Variants in GPR83 observed in about 807,000 individuals in gnomAD.
GPR83 encodes G protein-coupled receptor 83.
A neutral mutation model predicts 28.0 loss-of-function variants in GPR83; 23 were observed. The observed-to-expected ratio is 0.82, with a 90% CI of 0.59 to 1.16. GPR83 has a LOEUF of 1.16. GPR83 is among the 50% of genes most tolerant of loss of function. GPR83 has a pLI of 0.00. For synonymous variants in GPR83, 234 were observed against 215.4 expected (o/e 1.09, Z -0.76); for missense variants, 610 against 536.6 (o/e 1.14, Z -1.35).
Position 94,380,782 on chromosome 11 carries a change from A to C in GPR83, c.648-9T>G, listed in dbSNP as rs1438244511. 3.1e-6 allele frequency: 5 copies of C among 1,597,888 alleles called. No homozygotes were observed. Among genetic ancestry groups the C allele is most frequent in the Non-Finnish European group, 4.3e-6 (5 of 1,170,566 alleles). On this transcript the variant is annotated splice_polypyrimidine_tract_variant and intron_variant, in intron 3 of 3. Coordinates refer to ENST00000243673, the MANE Select transcript of GPR83 (RefSeq NM_016540.4). Reference sequence around the variant, plus strand: ...AGCGCACAATGTCCTCACTGGGGGCAGGAAGTGGGGAGGGGGAGAGAGGTA... The same window carrying C: ...AGCGCACAATGTCCTCACTGGGGGCCGGAAGTGGGGAGGGGGAGAGAGGTA...
In GPR83 at chr11:94,380,370, TCTC is replaced by T. The variant is rs1944673445; in HGVS notation, c.1048_1050del (p.Glu350del). The T allele has an allele frequency of 6.2e-7, 1 of 1,613,998 alleles. No individual in the cohort carries two copies. The highest frequency in any genetic ancestry group is 1.7e-5 in the Admixed American group (1 of 60,002). On this transcript the variant is annotated inframe_deletion, in exon 4 of 4. Transcript: ENST00000243673. ...AATGCCTTTAGCTCAATCCTGAAGT[TCTC>T]GTTCAGCCAGCAGTATATGAAGGGG...
chr11:94,400,567 G>T (rs977750836), intron 1 of GPR83, among the ~76,000 whole-genome samples: 1 of 149,918 alleles, frequency 6.7e-6, no homozygotes, highest in Non-Finnish European at 1.5e-5. Flanking sequence ...AAAAAGATGA[G>T]GACACTGAGA....
intron 3 of GPR83, 124 bp downstream of exon 3, chr11:94,393,361 C>G (rs1944836056): frequency 1.2e-6 from 1 of 805,978 alleles, no homozygotes; most frequent in Non-Finnish European, 2.1e-6. Context: ...GAGAAAGACT[C>G]AGTAAGACAG....
intron 2 of GPR83, 76 bp from the exon 3 acceptor site, chr11:94,393,694 C>T (rs1032193238): frequency 1.4e-6 from 2 of 1,385,246 alleles, no homozygotes; most frequent in Non-Finnish European, 2.0e-6. Flanking sequence ...GGCGCAGGTG[C>T]TCACTCCTGT....
chr11:94,378,697 G>A lies in GPR83; in HGVS notation c.*1452C>T, dbSNP rs1479281901. 1 of 152,608 alleles carries A rather than the reference G, an allele frequency of 6.6e-6. No homozygotes were observed. The highest frequency in any genetic ancestry group is 2.4e-5 in the African/African-American group (1 of 41,448). 9.5% of individuals were successfully genotyped at this position (152,608 alleles called of 1,614,324 possible). A position where few individuals can be genotyped will look rare whatever the true frequency, so the allele number is the denominator to read the frequency against. ...ACCCTCATTATTTAGACAACACAGC[G>A]AAATGGCCTTTCTAGACAGCTTGGG... On this transcript the variant is annotated 3_prime_UTR_variant, in exon 4 of 4. Transcript: ENST00000243673.
At chr11:94,387,943 G>A (rs557765747) in intron 3 of GPR83, among the ~76,000 whole-genome samples, 5 of 152,224 alleles carry the variant, frequency 3.3e-5, no homozygotes, top group African/African-American at 7.2e-5. Flanking sequence ...CTGGCAAACC[G>A]AATCCAGCAA....
chr11:94,380,895 A>G (rs1194171981), intron 3 of GPR83, 122 bp from the exon 4 acceptor site: 8 of 779,726 alleles, frequency 1.0e-5, no homozygotes, highest in African/African-American at 1.7e-5. Flanking sequence ...TCCATCTAAT[A>G]TGGCACTTTT....
chr11:94,400,853 C>A lies in GPR83; in HGVS notation c.387+8G>T. ...AGAAGGTGGGGCGGCAGGCAGCGGGCCCCTTACCAAAGTGAAGGGGGTGTT... is the reference window on the plus strand; with the variant it reads ...AGAAGGTGGGGCGGCAGGCAGCGGGACCCTTACCAAAGTGAAGGGGGTGTT... On this transcript the variant is annotated splice_region_variant and intron_variant, in intron 1 of 3. Transcript: ENST00000243673. 2 of 1,612,050 alleles carry A rather than the reference C, an allele frequency of 1.2e-6. No individual in the cohort carries two copies. Among genetic ancestry groups the A allele is most frequent in the Non-Finnish European group, 8.5e-7 (1 of 1,178,634 alleles).
chr11:94,384,699 A>G (rs933585497), intron 3 of GPR83, among the ~76,000 whole-genome samples: 3 of 152,226 alleles, frequency 2.0e-5, no homozygotes, highest in Admixed American at 1.3e-4. Flanking sequence ...CAAAGCGGCC[A>G]GGAAGCTTGA....
At position 94,396,885 on chromosome 11, in the gene GPR83, C is replaced by T. The variant is rs562554513; in HGVS notation, c.388-361G>A. 1.9e-4 allele frequency among the ~76,000 whole-genome samples: 27 copies of T among 144,158 alleles called. 1 individual carries two copies. Among genetic ancestry groups the T allele is most frequent in the African/African-American group, 6.8e-4 (27 of 39,738 alleles). 94.6% of individuals were successfully genotyped at this position (144,158 alleles called of 152,430 possible). ...CCTCATTTGCAAAAAAAAAAAAAAG[C>T]CCTAAAAAATCTCTTCCTTATAGGC... is the stretch of plus-strand genomic sequence containing the variant. On this transcript the variant is annotated intron_variant, in intron 1 of 3. Coordinates refer to ENST00000243673, the MANE Select transcript of GPR83 (RefSeq NM_016540.4).
rs989928111 is a variant in GPR83, at chr11:94,378,648, C to T, written c.*1501G>A. 3.3e-5 allele frequency: 5 copies of T among 152,612 alleles called. No individual in the cohort carries two copies. Among genetic ancestry groups the T allele is most frequent in the Non-Finnish European group, 7.3e-5 (5 of 68,038 alleles). The allele number at this position is 152,612 out of a possible 1,614,324, so 9.5% of individuals were successfully genotyped here. The stretch of plus-strand genomic sequence containing the variant: ...CCAAAATGATGTTGACAGCGAATCT[C>T]CTTTTGAGAAATGGTGTGAAAAAAC... On this transcript the variant is annotated 3_prime_UTR_variant, in exon 4 of 4. Transcript: ENST00000243673.
chr11:94,387,234 T>C (rs1000371783), intron 3 of GPR83, among the ~76,000 whole-genome samples: 1 of 152,140 alleles, frequency 6.6e-6, no homozygotes, highest in African/African-American at 2.4e-5. Flanking sequence ...AGGAAAGATC[T>C]AAAATTGACA....
chr11:94,392,064 G>A (rs544643652), intron 3 of GPR83, among the ~76,000 whole-genome samples: 1 of 152,032 alleles, frequency 6.6e-6, no homozygotes, highest in Non-Finnish European at 1.5e-5. Flanking sequence ...CAAAGACTTG[G>A]AACCAACCCA....
chr11:94,398,254 T>G (rs1944883675), intron 1 of GPR83, among the ~76,000 whole-genome samples: 1 of 152,048 alleles, frequency 6.6e-6, no homozygotes, highest in South Asian at 2.1e-4. Flanking sequence ...CCCTCCTGTT[T>G]GGAATCATCC....
At chr11:94,390,984 G>A (rs918072347) in intron 3 of GPR83, among the ~76,000 whole-genome samples, 4 of 152,006 alleles carry the variant, frequency 2.6e-5, no homozygotes, top group African/African-American at 7.3e-5. Flanking sequence ...TTTAAAATTC[G>A]TATGGAACCA....
intron 1 of GPR83, among the ~76,000 whole-genome samples, chr11:94,397,262 T>C (rs1054473442): frequency 6.6e-6 from 1 of 152,134 alleles, no homozygotes; most frequent in African/African-American, 2.4e-5. Flanking sequence ...CACCCAGCAC[T>C]ATTTACTCAT....
chr11:94,382,343 C>CAAAAAA (rs57302833), intron 3 of GPR83, among the ~76,000 whole-genome samples: 16 of 67,308 alleles, frequency 2.4e-4, no homozygotes, highest in African/African-American at 4.4e-4. Context: ...AACACCATCT[C>CAAAAAA]AAAAAAAAAA....
At chr11:94,382,438 G>A (rs1156718988) in intron 3 of GPR83, among the ~76,000 whole-genome samples, 1 of 151,522 alleles carries the variant, frequency 6.6e-6, no homozygotes, top group African/African-American at 2.4e-5. Flanking sequence ...GACAGAGAAG[G>A]GCATTACATA....
intron 1 of GPR83, among the ~76,000 whole-genome samples, chr11:94,396,906 T>C (rs1214699045): frequency 6.6e-6 from 1 of 151,446 alleles, no homozygotes; most frequent in East Asian, 1.9e-4. Context: ...CTCTTCCTTA[T>C]AGGCTTAGTA....
Sources: allele counts gnomAD v4.1 joint callset (sites outside exome capture counted in the v4.1 genomes callset), GRCh38; gene constraint gnomAD v4.1.1; transcripts MANE v1.5; gene names NCBI Gene and HGNC (gene_info 2026-07-23, HGNC 2026-07-21).